The following DDB1 variants were observed in gnomAD, a reference collection of about 807,000 sequenced individuals.
DDB1 encodes the protein damage specific DNA binding protein 1.
A neutral mutation model predicts 133.1 loss-of-function variants in DDB1; 18 were observed. The observed-to-expected ratio is 0.14, with a 90% CI of 0.09 to 0.20. The LOEUF is 0.20. DDB1 is among the 10% of genes least tolerant of loss of function. DDB1 has a pLI of 1.00. For missense variants in DDB1, 828 were observed against 1,459.2 expected (o/e 0.57, Z 7.05); for synonymous variants, 580 against 550.5 (o/e 1.05, Z -0.75).
Position 61,316,331 on chromosome 11 carries a change from T to A in DDB1, c.1364A>T (p.Gln455Leu). 1 of 1,614,226 alleles carries A rather than the reference T, an allele frequency of 6.2e-7. No homozygotes were observed. The highest frequency in any genetic ancestry group is 8.5e-7 in the Non-Finnish European group (1 of 1,180,042). ...ETELMGFVDDQQTFFCGNVAH... is the reference protein window; with the variant it reads ...ETELMGFVDDLQTFFCGNVAH... ...CACGTTGCCACAGAAGAAAGTCTGC[T>A]GATCATCCACGAAACCCATCAGTTC... The change falls in exon 12 of 27, where the codon CAG becomes CTG. Residue 455 changes from glutamine to leucine, a missense_variant. By Grantham distance (113) the Gln-to-Leu change is moderately radical (BLOSUM62 -2). Around this residue, in one of 7 missense-constraint regions of DDB1, gnomAD observed 396 missense variants for 554.1 expected, o/e 0.71. Transcript: ENST00000301764.
chr11:61,329,746 T>C (rs1347084991), intron 3 of DDB1, among the ~76,000 whole-genome samples, 162 bp from the exon 4 acceptor site: 1 of 152,218 alleles, frequency 6.6e-6, no homozygotes, highest in Non-Finnish European at 1.5e-5. Context: ...GCATGCCTTT[T>C]TCATGAAACA....
chr11:61,299,743 T>G lies in DDB1; in HGVS notation c.*393A>C. The G allele has an allele frequency of 4.1e-6, 1 of 242,424 alleles. No homozygotes were observed. Among genetic ancestry groups the G allele is most frequent in the Non-Finnish European group, 8.2e-6 (1 of 121,864 alleles). 15.0% of individuals were successfully genotyped at this position (242,424 alleles called of 1,614,324 possible). A position where few individuals can be genotyped will look rare whatever the true frequency, so the allele number is the denominator to read the frequency against. On this transcript the variant is annotated 3_prime_UTR_variant, in exon 27 of 27. Transcript: ENST00000301764. The stretch of plus-strand genomic sequence containing the variant: ...CCCACAACTCCCTACACTGCCAATC[T>G]AAATAAAAAGAGGACAATGCATGAG...
intron 5 of DDB1, 148 bp downstream of exon 5, chr11:61,326,631 G>C (rs1590698893): frequency 2.7e-6 from 2 of 733,428 alleles, no homozygotes; most frequent in East Asian, 4.9e-5. Flanking sequence ...CACAATTAGA[G>C]AAAGAAAACA....
At position 61,316,530 on chromosome 11, in the gene DDB1, A is replaced by G. The variant is rs748734950; in HGVS notation, c.1263T>C (p.Thr421=). 1.2e-6 allele frequency: 2 copies of G among 1,614,156 alleles called. No individual in the cohort carries two copies. The highest frequency in any genetic ancestry group is 1.7e-5 in the Admixed American group (1 of 60,010). Residue 421 remains threonine (T), a synonymous_variant, in exon 11 of 27, where the codon ACT becomes ACC. Coordinates refer to ENST00000301764, the MANE Select transcript of DDB1 (RefSeq NM_001923.5). ...CAAAAGAGAGCACCAAAGTGTCATC[A>G]GTCTCACGATTAGGGTCAGACCGCA... ...WPLRSDPNRE[T]DDTLVLSFVG...
At chr11:61,309,175 C>A (rs1855921300) in intron 20 of DDB1, 98 bp from the exon 21 acceptor site, 1 of 1,117,056 alleles carries the variant, frequency 9.0e-7, no homozygotes, top group Non-Finnish European at 1.3e-6. Flanking sequence ...TTCTTGCCCC[C>A]CAAAACCACT....
Position 61,311,943 on chromosome 11 carries a change from A to T in DDB1, c.2165+46T>A, listed in dbSNP as rs28720314. On this transcript the variant is annotated intron_variant, in intron 17 of 26. Transcript: ENST00000301764. The stretch of plus-strand genomic sequence containing the variant: ...CAGTGTCACTTAGAAAGTCAGAAGC[A>T]CCCTACACCAACCCCCACTTCCCAC... 1,997 of 1,613,738 alleles carry T rather than the reference A, an allele frequency of 1.2e-3. 39 individuals are homozygous for T. The African/African-American group carries it at 0.021, about 17-fold the overall frequency.
intron 2 of DDB1, among the ~76,000 whole-genome samples, chr11:61,330,619 T>C (rs959366575): frequency 3.9e-5 from 6 of 152,084 alleles, no homozygotes; most frequent in Non-Finnish European, 8.8e-5. Context: ...ATGAAAACAT[T>C]TGCGCTAAAA....
chr11:61,302,547 C>T (rs1855815924), intron 24 of DDB1, 35 bp downstream of exon 24: 1 of 1,611,436 alleles, frequency 6.2e-7, no homozygotes, highest in South Asian at 1.1e-5. Context: ...GGAAGGAGGC[C>T]TGTGTGGGGG....
At chr11:61,323,548 G>C (rs1856220614) in intron 7 of DDB1, 3 of 240,950 alleles carry the variant, frequency 1.2e-5, no homozygotes, top group Non-Finnish European at 2.5e-5. Flanking sequence ...GAGTAGCTGG[G>C]ACTACAGGCA....
chr11:61,316,942 GAT>G (rs1856081507), intron 10 of DDB1, among the ~76,000 whole-genome samples: 4 of 27,066 alleles, frequency 1.5e-4, no homozygotes, highest in Non-Finnish European at 3.3e-4. Flanking sequence ...AAAAAAAAAG[GAT>G]AGATATATAT....
rs749911180 is a variant in DDB1, at chr11:61,311,856, G to C, written c.2205C>G (p.Val735=). ...CYQEVSQCFG[V]LSSRIEVQDT... ...CTTGGACTTCAATGCGGCTGGAGAG[G>C]ACCCCGAAACACTGGGACACTTCCT... Residue 735 remains valine (V), a synonymous_variant, in exon 18 of 27, where the codon GTC becomes GTG. Transcript: ENST00000301764. The C allele has an allele frequency of 6.2e-7, 1 of 1,614,138 alleles. No homozygotes were observed. The highest frequency in any genetic ancestry group is 1.7e-5 in the Admixed American group (1 of 60,012).
chr11:61,329,864 C>T (rs1856337023), intron 3 of DDB1, 94 bp downstream of exon 3: 4 of 1,085,698 alleles, frequency 3.7e-6, no homozygotes, highest in East Asian at 2.4e-5. Context: ...TTTCTCTGAT[C>T]GAATAGAGAG....
At chr11:61,329,695 A>T (rs1856333672) in intron 3 of DDB1, 111 bp from the exon 4 acceptor site, 1 of 1,010,150 alleles carries the variant, frequency 9.9e-7, no homozygotes, top group African/African-American at 1.6e-5. Flanking sequence ...AAACTAATGG[A>T]TCTATTTGAT....
chr11:61,313,600 G>C lies in DDB1; in HGVS notation c.1968C>G (p.Pro656=). 2 of 1,614,178 alleles carry C rather than the reference G, an allele frequency of 1.2e-6. No homozygotes were observed. Among genetic ancestry groups the C allele is most frequent in the Non-Finnish European group, 1.7e-6 (2 of 1,180,038 alleles). Reference sequence around the variant, plus strand: ...TGTGGTTGCTGCTATAGATGACAGTGGGGCGGTCAGAACAAGCAAAGACGT... The same window carrying C: ...TGTGGTTGCTGCTATAGATGACAGTCGGGCGGTCAGAACAAGCAAAGACGT... ...TTNVFACSDR[P]TVIYSSNHKL... Residue 656 remains proline, a synonymous_variant, in exon 16 of 27, where the codon CCC becomes CCG. Coordinates refer to ENST00000301764, the MANE Select transcript of DDB1 (RefSeq NM_001923.5).
In DDB1 at chr11:61,331,625, A is replaced by T; in HGVS notation, c.128T>A (p.Val43Glu). The change falls in exon 2 of 27, where the codon GTG (valine) becomes GAG (glutamate). Residue 43 changes from valine to glutamate, a missense_variant. By Grantham distance (121) the Val-to-Glu change is moderately radical (BLOSUM62 -2). Transcript: ENST00000301764. ...GGGCCGAAGCCCCTCGGCGGTGACCACATAGATCTCTAATCTCGTGTTTTT... is the reference window on the plus strand; with the variant it reads ...GGGCCGAAGCCCCTCGGCGGTGACCTCATAGATCTCTAATCTCGTGTTTTT... ...IAKNTRLEIY[V>E]VTAEGLRPVK... 1 of 1,614,160 alleles carries T rather than the reference A, an allele frequency of 6.2e-7. No individual in the cohort carries two copies. Among genetic ancestry groups the T allele is most frequent in the African/African-American group, 1.3e-5 (1 of 75,036 alleles).
chr11:61,311,398 C>T, intron 18 of DDB1: 1 of 196,350 alleles, frequency 5.1e-6, no homozygotes, highest in Non-Finnish European at 1.0e-5. Context: ...CATAACATAA[C>T]ATAACATAAA....
At chr11:61,322,618 G>C (rs183076095) in intron 8 of DDB1, 36 of 572,258 alleles carry the variant, frequency 6.3e-5, no homozygotes, top group African/African-American at 5.4e-4. Context: ...AAGGATTGCT[G>C]ACCTAGAGTC....
In DDB1 at chr11:61,303,845, C is replaced by G; in HGVS notation, c.2832+20G>C. The G allele has an allele frequency of 6.2e-7, 1 of 1,612,914 alleles. No individual in the cohort carries two copies. Among genetic ancestry groups the G allele is most frequent in the Non-Finnish European group, 8.5e-7 (1 of 1,179,418 alleles). ...GTGGCTCAAGCAAGAAGTCTGCTCG[C>G]ATCCCCCCACCAGCATCACCTCTTC... On this transcript the variant is annotated intron_variant, in intron 22 of 26. Transcript: ENST00000301764.
chr11:61,303,398 C>G, intron 22 of DDB1: 2 of 446,368 alleles, frequency 4.5e-6, no homozygotes, highest in South Asian at 4.5e-5. Context: ...TCTAAAAATA[C>G]TTAATCAGGG....
Sources: allele counts gnomAD v4.1 joint callset (sites outside exome capture counted in the v4.1 genomes callset), GRCh38; gene constraint gnomAD v4.1.1; regional missense constraint gnomAD v4.1.1; transcripts MANE v1.5; gene names NCBI Gene and HGNC (gene_info 2026-07-23, HGNC 2026-07-21).